Variants in DAO observed in about 807,000 individuals in gnomAD.
DAO encodes D-amino acid oxidase, also known as D-amino-acid oxidase.
DAO carries 51 observed loss-of-function variants against 50.1 expected under a neutral mutation model. The ratio of observed to expected loss-of-function variants is 1.02; its 90% confidence interval spans 0.81 to 1.29. The LOEUF is 1.29. Among genes scored for constraint, DAO ranks in the 50% most tolerant of loss-of-function variants. The pLI, the probability that DAO is intolerant of heterozygous loss-of-function variation, is 0.00. For synonymous variants in DAO, 160 were observed against 166.2 expected (o/e 0.96, Z 0.29); for missense variants, 436 against 439.4 (o/e 0.99, Z 0.07).
chr12:108,884,566 T>C (rs2039413802), intron 1 of DAO, among the ~76,000 whole-genome samples: 1 of 152,186 alleles, frequency 6.6e-6, no homozygotes, highest in African/African-American at 2.4e-5. Flanking sequence ...CCCTCAAGCA[T>C]AGGTTATTAG....
chr12:108,900,075 C>T lies in DAO; in HGVS notation c.913-329C>T, dbSNP rs542400542. On this transcript the variant is annotated intron_variant, in intron 10 of 10. Coordinates refer to ENST00000228476, the MANE Select transcript of DAO (RefSeq NM_001917.5). Reference sequence around the variant, plus strand: ...CTCTTTGGGATAGGGACAGTTCTCCCTATGCTTCGGATGAGGAAACTGGGG... The same window carrying T: ...CTCTTTGGGATAGGGACAGTTCTCCTTATGCTTCGGATGAGGAAACTGGGG... The T allele has an allele frequency of 8.2e-4, 303 of 370,150 alleles. 2 individuals are homozygous for T. Among genetic ancestry groups the T allele is most frequent in the South Asian group, 2.1e-3 (95 of 44,436 alleles). The allele number at this position is 370,150 out of a possible 1,614,324, so 22.9% of individuals were successfully genotyped here.
intron 1 of DAO, among the ~76,000 whole-genome samples, chr12:108,881,610 T>C (rs866036852): frequency 0.011 from 1,685 of 148,534 alleles, 69 homozygotes; most frequent in African/African-American, 0.04. Flanking sequence ...AATTTTTTTT[T>C]TTTTTTTTTT....
chr12:108,894,946 G>T (rs1297879585), intron 7 of DAO, among the ~76,000 whole-genome samples: 1 of 152,054 alleles, frequency 6.6e-6, no homozygotes, highest in Non-Finnish European at 1.5e-5. Flanking sequence ...AAACTCCTGG[G>T]CTCAAGTGAT....
intron 1 of DAO, 82 bp from the exon 2 acceptor site, chr12:108,884,916 C>A: frequency 7.5e-7 from 1 of 1,329,382 alleles, no homozygotes; most frequent in Non-Finnish European, 1.1e-6. Flanking sequence ...ACCTTCTAAG[C>A]CTTCAGTGGA....
chr12:108,889,094 G>A (rs909479153), intron 3 of DAO, among the ~76,000 whole-genome samples: 1 of 148,008 alleles, frequency 6.8e-6, no homozygotes, highest in Non-Finnish European at 1.5e-5. Context: ...CATTACATAA[G>A]TCTCTGTCAT....
At chr12:108,894,782 A>G (rs2039529218) in intron 7 of DAO, among the ~76,000 whole-genome samples, 1 of 152,120 alleles carries the variant, frequency 6.6e-6, no homozygotes, top group African/African-American at 2.4e-5. Flanking sequence ...AGAGTGCAGT[A>G]TCTTGATCAT....
intron 1 of DAO, among the ~76,000 whole-genome samples, chr12:108,881,002 C>T (rs2039371676): frequency 6.6e-6 from 1 of 152,126 alleles, no homozygotes; most frequent in Non-Finnish European, 1.5e-5. Flanking sequence ...AAACCTCAGT[C>T]CCAGCCTCCA....
intron 9 of DAO, among the ~76,000 whole-genome samples, 167 bp downstream of exon 9, chr12:108,898,963 A>G (rs138579397): frequency 1.6e-3 from 243 of 152,328 alleles, no homozygotes; most frequent in African/African-American, 5.7e-3. Context: ...AGTTCTTGCT[A>G]TGGGCTAATG....
chr12:108,889,953 C>T (rs963897603), intron 4 of DAO, among the ~76,000 whole-genome samples: 1 of 152,130 alleles, frequency 6.6e-6, no homozygotes, highest in African/African-American at 2.4e-5. Flanking sequence ...CCACCCCACA[C>T]CACACCTGAA....
chr12:108,899,256 G>C, intron 9 of DAO, 121 bp from the exon 10 acceptor site: 1 of 722,642 alleles, frequency 1.4e-6, no homozygotes, highest in Middle Eastern at 2.3e-4. Flanking sequence ...GATTGATAAA[G>C]ATGACTGTGA....
At chr12:108,883,525 T>C in intron 1 of DAO, 1 of 423,164 alleles carries the variant, frequency 2.4e-6, no homozygotes, top group Non-Finnish European at 4.8e-6. Flanking sequence ...AGGAGGCTGC[T>C]GTGTGTTGAG....
In DAO at chr12:108,900,992, C is replaced by T. The variant is rs954884124; in HGVS notation, c.*457C>T. Reference sequence around the variant, plus strand: ...CTATCTGGCTATGGAACTCTTTTGCCCAGAGCACCCATGAATGCCATGACA... The same window carrying T: ...CTATCTGGCTATGGAACTCTTTTGCTCAGAGCACCCATGAATGCCATGACA... On this transcript the variant is annotated 3_prime_UTR_variant, in exon 11 of 11. Coordinates refer to ENST00000228476, the MANE Select transcript of DAO (RefSeq NM_001917.5). The T allele has an allele frequency of 2.4e-5, 5 of 211,414 alleles. No homozygotes were observed. Among genetic ancestry groups the T allele is most frequent in the Non-Finnish European group, 3.8e-5 (4 of 104,442 alleles). 13.1% of individuals were successfully genotyped at this position (211,414 alleles called of 1,614,324 possible).
intron 2 of DAO, among the ~76,000 whole-genome samples, chr12:108,887,101 G>A (rs1028728603): frequency 2.0e-5 from 3 of 152,182 alleles, no homozygotes; most frequent in African/African-American, 7.2e-5. Context: ...ACAAGGAGGG[G>A]TGCTTGCAGC....
chr12:108,883,068 A>G (rs572063327), intron 1 of DAO, among the ~76,000 whole-genome samples: 8 of 152,252 alleles, frequency 5.3e-5, no homozygotes, highest in African/African-American at 1.9e-4. Context: ...ACAGTCAAAA[A>G]GCCCAGAGAG....
At chr12:108,880,327 A>G (rs2039363245) in intron 1 of DAO, 103 bp downstream of exon 1, 6 of 349,400 alleles carry the variant, frequency 1.7e-5, no homozygotes, top group South Asian at 1.3e-4. Context: ...TCAACATTAC[A>G]GCCTAAGGCA....
At chr12:108,891,148 T>C (rs2039486660) in intron 5 of DAO, among the ~76,000 whole-genome samples, 1 of 152,138 alleles carries the variant, frequency 6.6e-6, no homozygotes, top group East Asian at 1.9e-4. Flanking sequence ...TATATATTAC[T>C]GTTTTTTAAA....
chr12:108,899,346 A>G (rs753015643), intron 9 of DAO, 31 bp from the exon 10 acceptor site: 2 of 1,581,358 alleles, frequency 1.3e-6, no homozygotes, highest in African/African-American at 1.4e-5. Context: ...AAAAAAATCC[A>G]GAAATGAGTG....
At chr12:108,900,064 G>T in intron 10 of DAO, 1 of 361,662 alleles carries the variant, frequency 2.8e-6, no homozygotes, top group Non-Finnish European at 5.3e-6. Context: ...TTGGGATAGG[G>T]ACAGTTCTCC....
At chr12:108,892,695 C>T (rs2039505219) in intron 5 of DAO, among the ~76,000 whole-genome samples, 1 of 152,146 alleles carries the variant, frequency 6.6e-6, no homozygotes, top group Non-Finnish European at 1.5e-5. Context: ...GTTTGAGTTC[C>T]AACTCCATCA....
Sources: allele counts gnomAD v4.1 joint callset (sites outside exome capture counted in the v4.1 genomes callset), GRCh38; gene constraint gnomAD v4.1.1; transcripts MANE v1.5; gene names NCBI Gene and HGNC (gene_info 2026-07-23, HGNC 2026-07-21).